The following MTMR3 variants were observed in gnomAD, a reference collection of about 807,000 sequenced individuals.
MTMR3 encodes phosphatidylinositol-3,5-bisphosphate 3-phosphatase MTMR3.
Under a neutral mutation model 132.4 loss-of-function variants are expected in MTMR3, and 32 were observed. The observed-to-expected ratio is 0.24, with a 90% CI of 0.18 to 0.32. The LOEUF is 0.32. Ranked by LOEUF, MTMR3 falls within the 10% of genes least tolerant of loss-of-function variation. The pLI, the probability that MTMR3 is intolerant of heterozygous loss-of-function variation, is 1.00. For synonymous variants in MTMR3, 556 were observed against 550.3 expected, an observed-to-expected ratio of 1.01 and a Z score of -0.14; for missense variants, 1,216 against 1,489.6, an observed-to-expected ratio of 0.82 and a Z score of 3.02.
chr22:29,890,901 C>T (rs1347848822), intron 1 of MTMR3, among the ~76,000 whole-genome samples: 4 of 152,052 alleles, frequency 2.6e-5, no homozygotes, highest in African/African-American at 9.7e-5. Flanking sequence ...GTGGTCCCAT[C>T]TACTTAGTTG....
chr22:29,949,258 C>A (rs531011452), intron 1 of MTMR3, among the ~76,000 whole-genome samples: 1 of 150,210 alleles, frequency 6.7e-6, no homozygotes, highest in Non-Finnish European at 1.5e-5. Context: ...GAGGCCAAGG[C>A]GGGCAGATCA....
At chr22:29,981,250 A>AT (rs1251654052) in intron 5 of MTMR3, 4 of 152,178 alleles carry the variant, frequency 2.6e-5, no homozygotes, top group African/African-American at 9.7e-5. Context: ...AATGAATTGA[A>AT]GTTAATGTGG....
intron 1 of MTMR3, among the ~76,000 whole-genome samples, chr22:29,954,429 A>T (rs1252104398): frequency 1.3e-5 from 2 of 152,036 alleles, no homozygotes; most frequent in Non-Finnish European, 2.9e-5. Context: ...AAGAGGCATG[A>T]GCAGTTTTTA....
chr22:29,957,355 G>T (rs2066217161), intron 2 of MTMR3, among the ~76,000 whole-genome samples: 1 of 150,158 alleles, frequency 6.7e-6, no homozygotes. Flanking sequence ...TTTAAGTTGA[G>T]ATTTTGAGTT....
In MTMR3 at chr22:30,030,715, G is replaced by T. The variant is rs1308902354; in HGVS notation, c.*4914G>T. 1 of 151,850 alleles carries T rather than the reference G, an allele frequency of 6.6e-6. No individual in the cohort carries two copies. Among genetic ancestry groups the T allele is most frequent in the Non-Finnish European group, 1.5e-5 (1 of 67,970 alleles). 9.4% of individuals were successfully genotyped at this position (151,850 alleles called of 1,614,324 possible). A position where few individuals can be genotyped will look rare whatever the true frequency, so the allele number is the denominator to read the frequency against. On this transcript the variant is annotated 3_prime_UTR_variant, in exon 20 of 20. Coordinates refer to ENST00000401950, the MANE Select transcript of MTMR3 (RefSeq NM_021090.4). ...TGTTTAGAGGCGGAAGGGACCTTAG[G>T]TCACCTACTTCCACGGTTTTCATAC...
intron 11 of MTMR3, chr22:30,008,522 C>T: frequency 6.2e-6 from 1 of 161,464 alleles, no homozygotes; most frequent in East Asian, 1.8e-4. Context: ...TGTTGGAATG[C>T]TAGCTTTCCC....
In MTMR3 at chr22:30,016,142, T is replaced by C. The variant is rs554207884; in HGVS notation, c.1504-386T>C. The C allele has an allele frequency of 2.4e-5, 5 of 205,448 alleles. No individual in the cohort carries two copies. In the South Asian group the frequency reaches 4.1e-4, roughly 17 times the overall value. The allele number at this position is 205,448 out of a possible 1,614,324, so 12.7% of individuals were successfully genotyped here. On this transcript the variant is annotated intron_variant, in intron 14 of 19. Coordinates refer to ENST00000401950, the MANE Select transcript of MTMR3 (RefSeq NM_021090.4). ...GCACCTTAGTCATGTTTGGGCCATG[T>C]GAAATGCTCAATAATTTGTAGAATG... is the stretch of plus-strand genomic sequence containing the variant.
intron 1 of MTMR3, among the ~76,000 whole-genome samples, chr22:29,894,044 C>T (rs1407269055): frequency 1.3e-5 from 2 of 152,090 alleles, no homozygotes; most frequent in African/African-American, 2.4e-5. Flanking sequence ...GGGATTTCGC[C>T]ATGTTGGCCA....
intron 2 of MTMR3, among the ~76,000 whole-genome samples, chr22:29,960,063 G>A (rs769750516): frequency 1.5e-5 from 2 of 129,572 alleles, no homozygotes; most frequent in African/African-American, 2.9e-5. Context: ...CACTGCCCCT[G>A]GCCACGTTCT....
intron 6 of MTMR3, chr22:29,990,250 C>T (rs1455229580): frequency 6.6e-6 from 1 of 152,166 alleles, no homozygotes; most frequent in Non-Finnish European, 1.5e-5. Flanking sequence ...CAAAAACCAA[C>T]AACGATGCCT....
At chr22:29,968,145 C>G (rs2066466036) in intron 2 of MTMR3, among the ~76,000 whole-genome samples, 1 of 152,076 alleles carries the variant, frequency 6.6e-6, no homozygotes, top group African/African-American at 2.4e-5. Context: ...TGACTCTAAA[C>G]TTTTTTGGGA....
intron 2 of MTMR3, among the ~76,000 whole-genome samples, chr22:29,969,766 G>A (rs372081903): frequency 6.6e-6 from 1 of 152,028 alleles, no homozygotes; most frequent in Non-Finnish European, 1.5e-5. Context: ...TCCTGACCTC[G>A]TGATCTGCCT....
chr22:29,893,297 C>A (rs2064833017), intron 1 of MTMR3, among the ~76,000 whole-genome samples: 1 of 152,136 alleles, frequency 6.6e-6, no homozygotes, highest in Admixed American at 6.5e-5. Flanking sequence ...AAGATACTTT[C>A]ATGGTGACAA....
At chr22:29,954,618 A>G (rs944497475) in intron 1 of MTMR3, among the ~76,000 whole-genome samples, 2 of 152,240 alleles carry the variant, frequency 1.3e-5, no homozygotes, top group Non-Finnish European at 2.9e-5. Context: ...ACTTTACACA[A>G]ACACTTCTGT....
intron 1 of MTMR3, among the ~76,000 whole-genome samples, chr22:29,934,184 C>T (rs1026427125): frequency 6.6e-6 from 1 of 152,236 alleles, no homozygotes; most frequent in East Asian, 1.9e-4. Context: ...GAAACCCCAT[C>T]TCTACTAAAA....
chr22:30,020,067 A>T lies in MTMR3; in HGVS notation c.2408A>T (p.Glu803Val), dbSNP rs759694398. The T allele has an allele frequency of 2.4e-5, 39 of 1,614,052 alleles. No individual in the cohort carries two copies. Among genetic ancestry groups the T allele is most frequent in the Non-Finnish European group, 3.1e-5 (37 of 1,180,016 alleles). The change falls in exon 17 of 20, where the codon GAG becomes GTG. Residue 803 changes from glutamate to valine, a missense_variant. By Grantham distance (121) the Glu-to-Val change is moderately radical. Transcript: ENST00000401950. ...CAGTTTCGAATAGAAGAGATTGCAG[A>T]GGGTAGGGAGGAAGCAGTTCTTCCA... ...VEQFRIEEIA[E>V]GREEAVLPIP... is the part of the protein sequence containing the mutation.
rs776148298 is a variant in MTMR3 at position 30,012,577 on chromosome 22, A to T, written c.1317+14A>T. The T allele has an allele frequency of 1.3e-6, 2 of 1,585,320 alleles. No individual in the cohort carries two copies. Among genetic ancestry groups the T allele is most frequent in the Non-Finnish European group, 8.6e-7 (1 of 1,165,054 alleles). On this transcript the variant is annotated intron_variant, in intron 13 of 19. Coordinates refer to ENST00000401950, the MANE Select transcript of MTMR3 (RefSeq NM_021090.4). ...CGAACCATAGAGGTGAGCCCATCCA[A>T]ATGGGAGGGGTTGGTACTTCAGGAT... is the stretch of plus-strand genomic sequence containing the variant.
Position 30,021,043 on chromosome 22 carries a change from G to A in MTMR3, c.3225+159G>A, listed in dbSNP as rs775765410. 240 of 714,800 alleles carry A rather than the reference G, an allele frequency of 3.4e-4. 1 individual carries two copies. Among genetic ancestry groups the A allele is most frequent in the Non-Finnish European group, 4.7e-4 (209 of 441,990 alleles). 44.3% of individuals were successfully genotyped at this position (714,800 alleles called of 1,614,324 possible). On this transcript the variant is annotated intron_variant, in intron 17 of 19. Coordinates refer to ENST00000401950, the MANE Select transcript of MTMR3 (RefSeq NM_021090.4). Reference sequence around the variant, plus strand: ...AGAGAGGCTGGAGATGAGCCTCCACGACAGCGATGGCAGCCTGCCTGTTTT... The same window carrying A: ...AGAGAGGCTGGAGATGAGCCTCCACAACAGCGATGGCAGCCTGCCTGTTTT...
chr22:29,949,139 A>ACC (rs2037399263), intron 1 of MTMR3, among the ~76,000 whole-genome samples: 1 of 24,580 alleles, frequency 4.1e-5, no homozygotes, highest in Admixed American at 5.9e-4. Context: ...ACACACACAC[A>ACC]CACACCCCCC....
Sources: gnomAD v4.1 joint callset for allele counts (sites outside exome capture counted in the v4.1 genomes callset) on GRCh38, gnomAD v4.1.1 for gene constraint, MANE v1.5 for transcripts, NCBI Gene and HGNC (gene_info 2026-07-23, HGNC 2026-07-21) for gene names.